PHACTR1: variants seen among roughly 807,000 people sequenced by gnomAD.
PHACTR1 encodes the protein RPEL repeat containing 1.
In PHACTR1, 16 loss-of-function variants were observed where a neutral mutation model predicts 69.2. That is an observed-to-expected ratio of 0.23 (90% CI 0.16 to 0.35). The LOEUF (loss-of-function observed/expected upper bound fraction) is 0.35, where lower values mean the gene tolerates loss of function less well. Ranked by LOEUF, PHACTR1 falls within the 10% of genes least tolerant of loss-of-function variation. The pLI, the probability that PHACTR1 is intolerant of heterozygous loss-of-function variation, is 1.00. For synonymous variants in PHACTR1, 312 were observed against 284.5 expected (o/e 1.10, Z -0.97); for missense variants, 510 against 734.7 (o/e 0.69, Z 3.54).
intron 4 of PHACTR1, among the ~76,000 whole-genome samples, chr6:12,965,136 T>C: frequency 6.6e-6 from 1 of 152,256 alleles, no homozygotes; most frequent in Non-Finnish European, 1.5e-5. Context: ...TATTGTTTAT[T>C]ACATTTGTGT....
chr6:13,076,455 T>C (rs1810488008), intron 5 of PHACTR1, among the ~76,000 whole-genome samples: 1 of 152,186 alleles, frequency 6.6e-6, no homozygotes, highest in Non-Finnish European at 1.5e-5. Flanking sequence ...CTAGCAACAC[T>C]GGCTCTGGTG....
At chr6:13,051,381 A>C (rs1351792510) in intron 4 of PHACTR1, among the ~76,000 whole-genome samples, 1 of 152,130 alleles carries the variant, frequency 6.6e-6, no homozygotes, top group Non-Finnish European at 1.5e-5. Context: ...TCCCATTTTC[A>C]AATTTTCCTT....
At chr6:12,867,033 AAGAG>A (rs891436226) in intron 4 of PHACTR1, among the ~76,000 whole-genome samples, 23 of 151,242 alleles carry the variant, frequency 1.5e-4, no homozygotes, top group Non-Finnish European at 2.8e-4. Flanking sequence ...ACCTGTAGTG[AAGAG>A]AGAGAGAGAG....
intron 10 of PHACTR1, among the ~76,000 whole-genome samples, chr6:13,231,079 GGAAGGAAGAAGGAAGGAAGGGAAAA>G (rs1770901564): frequency 1.7e-4 from 3 of 17,382 alleles, no homozygotes; most frequent in African/African-American, 7.3e-4. Context: ...AAGGAAGGAA[GGAAGGAAGAAGGAAGGAAGGGAAAA>G]GAAAGAAGGA....
chr6:13,049,751 G>A (rs1805634024), intron 4 of PHACTR1, among the ~76,000 whole-genome samples: 1 of 152,150 alleles, frequency 6.6e-6, no homozygotes, highest in East Asian at 1.9e-4. Context: ...TAAAAAATAG[G>A]TTATTTCATG....
At chr6:12,921,618 A>G (rs1424659856) in intron 4 of PHACTR1, among the ~76,000 whole-genome samples, 26 of 104,422 alleles carry the variant, frequency 2.5e-4, no homozygotes, top group African/African-American at 9.4e-4. Context: ...GGAAGGAAGA[A>G]AGGGAGGAAG....
chr6:12,923,306 A>G (rs1303088984), intron 4 of PHACTR1, among the ~76,000 whole-genome samples: 6 of 152,226 alleles, frequency 3.9e-5, no homozygotes, highest in African/African-American at 9.6e-5. Context: ...AAAAAGATGT[A>G]TGATTGAGAA....
At chr6:12,894,409 A>C (rs1001866563) in intron 4 of PHACTR1, among the ~76,000 whole-genome samples, 1 of 152,230 alleles carries the variant, frequency 6.6e-6, no homozygotes, top group East Asian at 1.9e-4. Context: ...GTTCGAGACC[A>C]GCCTGGCCAA....
chr6:12,798,876 G>A (rs1205703476), intron 4 of PHACTR1, among the ~76,000 whole-genome samples: 1 of 152,202 alleles, frequency 6.6e-6, no homozygotes, highest in Non-Finnish European at 1.5e-5. Flanking sequence ...CTATATAGTG[G>A]AAGGGAACAT....
At chr6:12,976,949 A>G (rs1794950239) in intron 4 of PHACTR1, among the ~76,000 whole-genome samples, 1 of 152,222 alleles carries the variant, frequency 6.6e-6, no homozygotes, top group Non-Finnish European at 1.5e-5. Context: ...TAGTATGTAT[A>G]GGGTTCGCTA....
chr6:13,150,479 T>C (rs752485398), intron 5 of PHACTR1, among the ~76,000 whole-genome samples: 5 of 152,230 alleles, frequency 3.3e-5, no homozygotes, highest in African/African-American at 4.8e-5. Context: ...TAGATATTCA[T>C]GGTACCTGAG....
intron 4 of PHACTR1, among the ~76,000 whole-genome samples, chr6:12,798,066 A>ACACACACACACACC (rs1449515796): frequency 2.0e-5 from 3 of 151,506 alleles, no homozygotes; most frequent in East Asian, 1.9e-4. Flanking sequence ...ACACACACAC[A>ACACACACACACACC]CACCCCTACA....
intron 5 of PHACTR1, among the ~76,000 whole-genome samples, chr6:13,135,913 A>T (rs1218946109): frequency 6.6e-6 from 1 of 152,114 alleles, no homozygotes; most frequent in Non-Finnish European, 1.5e-5. Context: ...AAATAGAAAA[A>T]AAAAGAGAAA....
At chr6:13,073,225 C>CAAAAAAA (rs58555118) in intron 5 of PHACTR1, among the ~76,000 whole-genome samples, 13 of 119,718 alleles carry the variant, frequency 1.1e-4, no homozygotes, top group African/African-American at 4.6e-4. Context: ...ACAGGATTAA[C>CAAAAAAA]AAAAAAAAAA....
chr6:13,161,133 C>T (rs372827097), intron 6 of PHACTR1, among the ~76,000 whole-genome samples: 4 of 152,208 alleles, frequency 2.6e-5, no homozygotes, highest in African/African-American at 9.6e-5. Flanking sequence ...GTGTGTATCA[C>T]CACACCTGGC....
chr6:12,976,728 G>T (rs1794920049), intron 4 of PHACTR1, among the ~76,000 whole-genome samples: 3 of 152,100 alleles, frequency 2.0e-5, no homozygotes, highest in Admixed American at 6.5e-5. Context: ...TCCTTTATCT[G>T]GTGTCTCTCC....
intron 4 of PHACTR1, among the ~76,000 whole-genome samples, chr6:12,750,454 G>C (rs1766463137): frequency 6.6e-6 from 1 of 151,384 alleles, no homozygotes; most frequent in Non-Finnish European, 1.5e-5. Flanking sequence ...GGGAAGATAG[G>C]GAGGAAAGGA....
chr6:12,934,006 T>A, intron 4 of PHACTR1: 1 of 1,484,946 alleles, frequency 6.7e-7, no homozygotes, highest in Admixed American at 2.3e-5. Flanking sequence ...TAAAACAATA[T>A]CAATTTGCTC....
chr6:12,809,173 C>T (rs1774735264), intron 4 of PHACTR1, among the ~76,000 whole-genome samples: 1 of 152,142 alleles, frequency 6.6e-6, no homozygotes, highest in Non-Finnish European at 1.5e-5. Flanking sequence ...CAGGAGTAAG[C>T]CACCATGCCC....
Sources: gnomAD v4.1 joint callset for allele counts (sites outside exome capture counted in the v4.1 genomes callset) on GRCh38, gnomAD v4.1.1 for gene constraint, MANE v1.5 for transcripts, NCBI Gene and HGNC (gene_info 2026-07-23, HGNC 2026-07-21) for gene names.